THSD4: variants seen among roughly 807,000 people sequenced by gnomAD.
THSD4 encodes thrombospondin type-1 domain-containing protein 4.
Under a neutral mutation model 119.0 loss-of-function variants are expected in THSD4, and 69 were observed. The observed-to-expected ratio is 0.58, with a 90% CI of 0.48 to 0.71. The LOEUF is 0.71. Among genes scored for constraint, THSD4 ranks in the 30% least tolerant of loss-of-function variants. The pLI is 0.00. For synonymous variants in THSD4, 524 were observed against 540.4 expected (o/e 0.97, Z 0.42); for missense variants, 1,393 against 1,391.1 (o/e 1.00, Z -0.02).
intron 7 of THSD4, among the ~76,000 whole-genome samples, chr15:71,435,954 A>G (rs1292479559): frequency 6.6e-6 from 1 of 152,200 alleles, no homozygotes; most frequent in Non-Finnish European, 1.5e-5. Flanking sequence ...AAAATTTGAC[A>G]TGGCTCAGGA....
At chr15:71,612,492 G>C (rs1471158582) in intron 7 of THSD4, among the ~76,000 whole-genome samples, 1 of 152,228 alleles carries the variant, frequency 6.6e-6, no homozygotes, top group Admixed American at 6.5e-5. Flanking sequence ...CAGTGAGGTT[G>C]CTCAGGTTGT....
chr15:71,727,779 A>AG (rs1555446573), intron 8 of THSD4, among the ~76,000 whole-genome samples: 55 of 129,112 alleles, frequency 4.3e-4, no homozygotes, highest in South Asian at 3.7e-3. Context: ...CAAAAAAAAA[A>AG]GGGGAGGGCT....
At chr15:71,557,923 T>C (rs1400352198) in intron 7 of THSD4, among the ~76,000 whole-genome samples, 1 of 152,198 alleles carries the variant, frequency 6.6e-6, no homozygotes, top group Admixed American at 6.5e-5. Flanking sequence ...AAATCAACTT[T>C]TGGCTTTGTT....
chr15:71,633,269 C>CT (rs67682951), intron 7 of THSD4, among the ~76,000 whole-genome samples: 3,035 of 62,996 alleles, frequency 0.048, 119 homozygotes, highest in African/African-American at 0.14. Context: ...TTCTTTCTTT[C>CT]TTTTTTTTTT....
intron 7 of THSD4, among the ~76,000 whole-genome samples, chr15:71,446,095 A>T (rs187521849): frequency 7.2e-5 from 11 of 152,312 alleles, no homozygotes; most frequent in Non-Finnish European, 7.3e-5. Context: ...ACATCTAACT[A>T]ATCACCCAGG....
rs1173317420 is a variant in THSD4, at chr15:71,116,000, C to T, written c.-80+302C>T. On this transcript the variant is annotated intron_variant, in intron 1 of 17. Transcript: ENST00000261862. The surrounding 1 kb of genome is among the most constrained non-coding windows in gnomAD (Gnocchi z 4.4). ...TCGACTCTAGGGACAGTCTTAAACTCTAGGGACAATCCACCTCAGTCGTCC... is the reference window on the plus strand; with the variant it reads ...TCGACTCTAGGGACAGTCTTAAACTTTAGGGACAATCCACCTCAGTCGTCC... 6.6e-6 allele frequency among the ~76,000 whole-genome samples: 1 copy of T among 152,222 alleles called. No homozygotes were observed. The highest frequency in any genetic ancestry group is 2.4e-5 in the African/African-American group (1 of 41,460).
chr15:71,107,838 TAGTG>T (rs1439177179), intron 1 of THSD4, among the ~76,000 whole-genome samples: 5 of 152,290 alleles, frequency 3.3e-5, no homozygotes, highest in East Asian at 3.9e-4. Flanking sequence ...ATTCAGCAGT[TAGTG>T]AGTGTCAAGC....
At chr15:71,377,238 G>A (rs1425630845) in intron 6 of THSD4, among the ~76,000 whole-genome samples, 1 of 152,214 alleles carries the variant, frequency 6.6e-6, no homozygotes, top group Non-Finnish European at 1.5e-5. Flanking sequence ...ACAGATGTGA[G>A]AGGAAGTTGA....
At chr15:71,498,026 A>G (rs72733206) in intron 7 of THSD4, among the ~76,000 whole-genome samples, 79 of 152,346 alleles carry the variant, frequency 5.2e-4, no homozygotes, top group Non-Finnish European at 7.5e-4. Flanking sequence ...TCTCATAATG[A>G]TTTAGGCGCT....
In THSD4 at chr15:71,270,180, A is replaced by T. The variant is rs559199455; in HGVS notation, c.1015+13465A>T. ...CAAAAAGAACAAAGCTGGAGGCATC[A>T]CACTACCTGACTTCAAACTATACTA... On this transcript the variant is annotated intron_variant, in intron 6 of 17. Transcript: ENST00000261862. Among the ~76,000 whole-genome samples the T allele has an allele frequency of 2.0e-5, 3 of 152,352 alleles. No individual in the cohort carries two copies. The East Asian group carries it at 5.8e-4, about 29-fold the overall frequency.
intron 6 of THSD4, among the ~76,000 whole-genome samples, chr15:71,296,280 A>C (rs748052703): frequency 2.0e-5 from 3 of 152,206 alleles, no homozygotes; most frequent in Non-Finnish European, 4.4e-5. Context: ...TCAACAATAG[A>C]TAAGGGTTAC....
At chr15:71,652,615 G>A (rs952587468) in intron 7 of THSD4, among the ~76,000 whole-genome samples, 1 of 152,176 alleles carries the variant, frequency 6.6e-6, no homozygotes, top group Non-Finnish European at 1.5e-5. Flanking sequence ...TACAGAATAT[G>A]ATATGTTTAC....
At chr15:71,749,809 T>C (rs2053414419) in intron 14 of THSD4, among the ~76,000 whole-genome samples, 1 of 151,656 alleles carries the variant, frequency 6.6e-6, no homozygotes, top group Non-Finnish European at 1.5e-5. Flanking sequence ...AGCCTCGACC[T>C]GCTGGGATCA....
At chr15:71,242,595 A>G in intron 4 of THSD4, 54 bp from the exon 5 acceptor site, 2 of 1,565,248 alleles carry the variant, frequency 1.3e-6, no homozygotes, top group Non-Finnish European at 1.7e-6. Context: ...CTTCTGAGTT[A>G]ACATGAAATT....
chr15:71,440,009 TATA>T (rs939552401), intron 7 of THSD4, among the ~76,000 whole-genome samples: 2 of 151,966 alleles, frequency 1.3e-5, no homozygotes, highest in African/African-American at 4.8e-5. Flanking sequence ...GAACTTAAAG[TATA>T]ATAATAATAA....
At chr15:71,641,359 GGCTATCTA>G (rs369740795) in intron 7 of THSD4, among the ~76,000 whole-genome samples, 1 of 151,630 alleles carries the variant, frequency 6.6e-6, no homozygotes, top group East Asian at 1.9e-4. Flanking sequence ...CCAATGTGGG[GGCTATCTA>G]GCAATGCCTG....
At chr15:71,448,047 A>C (rs1260986070) in intron 7 of THSD4, among the ~76,000 whole-genome samples, 4 of 152,190 alleles carry the variant, frequency 2.6e-5, no homozygotes, top group Admixed American at 2.6e-4. Context: ...TGAGCCAGGC[A>C]CAGATCTGGT....
At chr15:71,546,554 C>T (rs1416627096) in intron 7 of THSD4, among the ~76,000 whole-genome samples, 1 of 152,196 alleles carries the variant, frequency 6.6e-6, no homozygotes, top group Non-Finnish European at 1.5e-5. Context: ...TGTACTCTGA[C>T]AGCACTGTCT....
intron 7 of THSD4, among the ~76,000 whole-genome samples, chr15:71,579,904 G>GT (rs138949303): frequency 0.015 from 2,249 of 148,350 alleles, 27 homozygotes; most frequent in African/African-American, 0.039. Flanking sequence ...AAACGGTGGG[G>GT]TTTTTTTTTT....
Sources: allele counts gnomAD v4.1 joint callset (sites outside exome capture counted in the v4.1 genomes callset), GRCh38; gene constraint gnomAD v4.1.1; non-coding constraint Gnocchi (gnomAD v3.1); transcripts MANE v1.5; gene names NCBI Gene and HGNC (gene_info 2026-07-23, HGNC 2026-07-21).